SCHIP1: variants seen among roughly 807,000 people sequenced by gnomAD.
SCHIP1 encodes the protein schwannomin-interacting protein 1.
SCHIP1 carries 8 observed loss-of-function variants against 29.7 expected under a neutral mutation model. The ratio of observed to expected loss-of-function variants is 0.27; its 90% CI spans 0.16 to 0.49. The LOEUF (loss-of-function observed/expected upper bound fraction) is 0.49. Ranked by LOEUF, SCHIP1 falls within the 20% of genes least tolerant of loss-of-function variation. The pLI is 0.99. For missense variants in SCHIP1, 193 were observed against 294.6 expected, an observed-to-expected ratio of 0.66 and a Z score of 2.52; for synonymous variants, 76 against 94.9, an observed-to-expected ratio of 0.80 and a Z score of 1.16.
At chr3:159,337,818 C>A in the SCHIP1 span, among the ~76,000 whole-genome samples, 1 of 152,140 alleles carries the variant, frequency 6.6e-6, no homozygotes, top group South Asian at 2.1e-4. Flanking sequence ...CTCCTAAAGA[C>A]TATCAAGCAT....
chr3:159,421,473 T>G, the SCHIP1 span, among the ~76,000 whole-genome samples: 2 of 152,198 alleles, frequency 1.3e-5, no homozygotes, highest in African/African-American at 4.8e-5. Context: ...TTTTCTTTAC[T>G]CTAGGAATCT....
the SCHIP1 span, among the ~76,000 whole-genome samples, chr3:159,827,671 GGCGGGC>G: frequency 6.6e-6 from 1 of 152,078 alleles, no homozygotes; most frequent in Non-Finnish European, 1.5e-5. Flanking sequence ...CGGGCACGGT[GGCGGGC>G]GCCTGTAGTC....
the SCHIP1 span, chr3:159,375,741 TAAATAAA>T: frequency 1.2e-6 from 1 of 845,386 alleles, no homozygotes; most frequent in South Asian, 5.4e-5. Flanking sequence ...AATAAATAAA[TAAATAAA>T]TAAATAAATA....
the SCHIP1 span, among the ~76,000 whole-genome samples, chr3:159,545,521 C>T: frequency 6.6e-6 from 1 of 151,460 alleles, no homozygotes; most frequent in South Asian, 2.1e-4. Context: ...TTGCAGATGG[C>T]CTACTGTAGG....
the SCHIP1 span, among the ~76,000 whole-genome samples, chr3:159,717,718 T>A: frequency 1.6e-4 from 25 of 152,186 alleles, no homozygotes; most frequent in Non-Finnish European, 2.6e-4. Flanking sequence ...TAACAGGCTC[T>A]GAAATTGAGG....
At chr3:159,509,511 T>C in the SCHIP1 span, among the ~76,000 whole-genome samples, 1 of 152,206 alleles carries the variant, frequency 6.6e-6, no homozygotes, top group Non-Finnish European at 1.5e-5. Flanking sequence ...CCTGTCATTA[T>C]GATGTTAGCT....
At chr3:159,778,477 T>C in the SCHIP1 span, among the ~76,000 whole-genome samples, 3 of 152,292 alleles carry the variant, frequency 2.0e-5, no homozygotes, top group South Asian at 6.2e-4. Context: ...GAAATGAACA[T>C]TTACCCAATA....
At chr3:159,316,789 G>A in the SCHIP1 span, among the ~76,000 whole-genome samples, 8 of 152,072 alleles carry the variant, frequency 5.3e-5, no homozygotes, top group African/African-American at 1.2e-4. Flanking sequence ...TAAATCTTAC[G>A]TCACATGATA....
chr3:159,495,344 A>T, the SCHIP1 span, among the ~76,000 whole-genome samples: 14 of 152,360 alleles, frequency 9.2e-5, no homozygotes, highest in Middle Eastern at 3.4e-3. Flanking sequence ...ACATGATTGT[A>T]TATCTAGAAA....
At chr3:159,474,013 T>TA in the SCHIP1 span, among the ~76,000 whole-genome samples, 1 of 152,092 alleles carries the variant, frequency 6.6e-6, no homozygotes, top group Non-Finnish European at 1.5e-5. Context: ...TGTCTCTAAA[T>TA]AAAAAATGTC....
At chr3:159,424,595 G>T in the SCHIP1 span, among the ~76,000 whole-genome samples, 6 of 152,334 alleles carry the variant, frequency 3.9e-5, no homozygotes, top group South Asian at 1.2e-3. Context: ...GGGGAGAACG[G>T]AACCAAGTTG....
chr3:159,274,228 C>G, the SCHIP1 span: 3 of 985,116 alleles, frequency 3.0e-6, no homozygotes, highest in Non-Finnish European at 3.6e-6. Flanking sequence ...AATCTGTTGC[C>G]CTTTGTATGC....
chr3:159,774,349 C>G, the SCHIP1 span, among the ~76,000 whole-genome samples: 9 of 152,062 alleles, frequency 5.9e-5, no homozygotes, highest in Non-Finnish European at 1.2e-4. Flanking sequence ...GAATAATTAT[C>G]TTCCTGTCTT....
At chr3:159,322,081 A>G in the SCHIP1 span, among the ~76,000 whole-genome samples, 1 of 151,884 alleles carries the variant, frequency 6.6e-6, no homozygotes, top group African/African-American at 2.4e-5. Flanking sequence ...AGCAGAAGAT[A>G]CTAAAGCTTG....
rs369864061 is a variant in SCHIP1 at position 159,880,996 on chromosome 3, G to A, written c.150-5211G>A. On this transcript the variant is annotated intron_variant, in intron 2 of 6. Coordinates refer to ENST00000445224, the Ensembl canonical transcript of SCHIP1. ...AAATATCAAACTGGAACAGTCAGTA[G>A]GGAAAAGAAGGGAAAGGAGCAGAGT... 5.9e-4 allele frequency among the ~76,000 whole-genome samples: 90 copies of A among 152,282 alleles called. 1 individual carries two copies. The highest frequency in any genetic ancestry group is 2.1e-3 in the African/African-American group (88 of 41,570).
intron 1 of SCHIP1, among the ~76,000 whole-genome samples, chr3:159,865,886 T>C (rs1301906651): frequency 6.6e-6 from 1 of 152,202 alleles, no homozygotes; most frequent in African/African-American, 2.4e-5. Context: ...AAAGATTACG[T>C]GACAAATAAT....
the SCHIP1 span, among the ~76,000 whole-genome samples, chr3:159,675,188 T>A: frequency 6.6e-6 from 1 of 152,196 alleles, no homozygotes; most frequent in African/African-American, 2.4e-5. Flanking sequence ...TGCCAGTGAA[T>A]CTCCTGTACA....
At chr3:159,356,630 G>A in the SCHIP1 span, among the ~76,000 whole-genome samples, 1 of 152,208 alleles carries the variant, frequency 6.6e-6, no homozygotes, top group African/African-American at 2.4e-5. Context: ...ATTTCTGACA[G>A]TGGAATCAAA....
the SCHIP1 span, among the ~76,000 whole-genome samples, chr3:159,676,800 C>T: frequency 6.6e-6 from 1 of 152,190 alleles, no homozygotes; most frequent in South Asian, 2.1e-4. Context: ...CCATCATCAT[C>T]CAACCACCCA....
Sources: allele counts gnomAD v4.1 joint callset (sites outside exome capture counted in the v4.1 genomes callset), GRCh38; gene constraint gnomAD v4.1.1; transcripts MANE v1.5; gene names NCBI Gene and HGNC (gene_info 2026-07-23, HGNC 2026-07-21).